RASSF3: variants seen among roughly 807,000 people sequenced by gnomAD.
RASSF3 encodes Ras association domain family member 3, also known as ras association domain-containing protein 3.
In RASSF3, 19 loss-of-function variants were observed where a neutral mutation model predicts 19.9. That is an observed-to-expected ratio of 0.96 (90% CI 0.67 to 1.40). The LOEUF is 1.40. RASSF3 is among the 40% of genes most tolerant of loss of function. The pLI, the probability that RASSF3 is intolerant of heterozygous loss-of-function variation, is 0.00. For synonymous variants in RASSF3, 110 were observed against 104.2 expected, an observed-to-expected ratio of 1.06 and a Z score of -0.34; for missense variants, 306 against 289.8, an observed-to-expected ratio of 1.06 and a Z score of -0.41.
intron 2 of RASSF3, among the ~76,000 whole-genome samples, chr12:64,601,524 TATTTTACTATAAAATTA>T (rs1159678174): frequency 6.6e-6 from 1 of 152,176 alleles, no homozygotes; most frequent in African/African-American, 2.4e-5. Context: ...CCTTTCAGTT[TATTTTACTATAAAATTA>T]AGAATATGAC....
At chr12:64,686,600 G>C (rs965438267) in intron 2 of RASSF3, among the ~76,000 whole-genome samples, 1 of 152,018 alleles carries the variant, frequency 6.6e-6, no homozygotes, top group Admixed American at 6.6e-5. Flanking sequence ...GACAGAGCAA[G>C]ACTCCATCTC....
rs1871986309 is a variant in RASSF3, at chr12:64,652,301, A to G, written c.112-32486A>G. On this transcript the variant is annotated intron_variant, in intron 1 of 4. Coordinates refer to ENST00000542104, the MANE Select transcript of RASSF3 (RefSeq NM_178169.4). ...CAATGTTCATTGATAAACTTTCTGT[A>G]TCTTTCAGTGTGTTCTGTAGCACAG... 2.0e-5 allele frequency among the ~76,000 whole-genome samples: 3 copies of G among 152,284 alleles called. No individual in the cohort carries two copies. The South Asian group carries it at 6.2e-4, about 32-fold the overall frequency.
At chr12:64,599,696 G>A (rs1870055689) in intron 2 of RASSF3, among the ~76,000 whole-genome samples, 1 of 152,126 alleles carries the variant, frequency 6.6e-6, no homozygotes, top group African/African-American at 2.4e-5. Flanking sequence ...AGGGGAAGAT[G>A]AGAAGTGTTA....
intron 1 of RASSF3, among the ~76,000 whole-genome samples, chr12:64,631,327 C>T (rs1177278827): frequency 6.6e-6 from 1 of 152,120 alleles, no homozygotes; most frequent in Non-Finnish European, 1.5e-5. Context: ...AACTGTGTGG[C>T]AGTCTCTGGA....
intron 1 of RASSF3, among the ~76,000 whole-genome samples, chr12:64,514,371 G>A (rs1286172553): frequency 1.3e-5 from 2 of 151,844 alleles, no homozygotes; most frequent in African/African-American, 4.8e-5. Flanking sequence ...ATTTTTAGTA[G>A]AGGCAGGGTT....
In RASSF3 at chr12:64,695,049, C is replaced by A; in HGVS notation, c.*137C>A. 1 of 897,460 alleles carries A rather than the reference C, an allele frequency of 1.1e-6. No individual in the cohort carries two copies. Among genetic ancestry groups the A allele is most frequent in the Non-Finnish European group, 1.7e-6 (1 of 604,562 alleles). The allele number at this position is 897,460 out of a possible 1,614,324, so 55.6% of individuals were successfully genotyped here. ...CTTTCTATCTGTAGATTTTGTTCCC[C>A]AAACCTGGTCACACAGCATCCTGCA... On this transcript the variant is annotated 3_prime_UTR_variant, in exon 5 of 5. Coordinates refer to ENST00000542104, the MANE Select transcript of RASSF3 (RefSeq NM_178169.4).
chr12:64,651,365 G>A (rs1871946890), intron 1 of RASSF3, among the ~76,000 whole-genome samples: 1 of 152,066 alleles, frequency 6.6e-6, no homozygotes, highest in Non-Finnish European at 1.5e-5. Flanking sequence ...TAATGTTTTT[G>A]TTTTTATTTT....
chr12:64,664,942 T>C (rs1217187769), intron 1 of RASSF3, among the ~76,000 whole-genome samples: 1 of 152,242 alleles, frequency 6.6e-6, no homozygotes, highest in African/African-American at 2.4e-5. Context: ...ATTTCAGTTC[T>C]CTATATAGTA....
chr12:64,663,100 T>C (rs1171684462), intron 1 of RASSF3, among the ~76,000 whole-genome samples: 1 of 152,206 alleles, frequency 6.6e-6, no homozygotes, highest in Non-Finnish European at 1.5e-5. Context: ...GCAGTAATTA[T>C]GTATTAATAA....
At chr12:64,522,329 T>G (rs1868496023) in intron 1 of RASSF3, among the ~76,000 whole-genome samples, 1 of 152,138 alleles carries the variant, frequency 6.6e-6, no homozygotes, top group Non-Finnish European at 1.5e-5. Flanking sequence ...AAATCTATTA[T>G]TTTCCTCCCA....
At chr12:64,589,564 C>A (rs1869880111) in intron 2 of RASSF3, among the ~76,000 whole-genome samples, 1 of 152,188 alleles carries the variant, frequency 6.6e-6, no homozygotes, top group Admixed American at 6.6e-5. Context: ...CAAGCTTGAG[C>A]ATAATTTTAA....
chr12:64,674,808 C>G (rs900263114), intron 1 of RASSF3, among the ~76,000 whole-genome samples: 1 of 151,946 alleles, frequency 6.6e-6, no homozygotes. Context: ...AAGTGGTGCT[C>G]TTAGCTTGTG....
chr12:64,584,503 G>GAAA lies in RASSF3; in HGVS notation c.294+42816_294+42818dup, dbSNP rs11461888. On this transcript the variant is annotated intron_variant, in intron 2 of 5. Transcript: ENST00000637125. Reference sequence around the variant, plus strand: ...CTTCTACAAAAGAGGTCCAGGCTAAGAAAAAAAAAAAAAAAAAAAAGCTAA... The same window carrying GAAA: ...CTTCTACAAAAGAGGTCCAGGCTAAGAAAAAAAAAAAAAAAAAAAAAAAGCTAA... 1.4e-4 allele frequency among the ~76,000 whole-genome samples: 16 copies of GAAA among 112,704 alleles called. 1 individual carries two copies. Among genetic ancestry groups the GAAA allele is most frequent in the African/African-American group, 4.9e-4 (14 of 28,850 alleles). 73.9% of individuals were successfully genotyped at this position (112,704 alleles called of 152,430 possible). A position where few individuals can be genotyped will look rare whatever the true frequency, so the allele number is the denominator to read the frequency against.
At chr12:64,657,119 C>G (rs1028037188) in intron 1 of RASSF3, among the ~76,000 whole-genome samples, 43 of 150,010 alleles carry the variant, frequency 2.9e-4, no homozygotes, top group African/African-American at 9.3e-4. Flanking sequence ...AAGCGATTTT[C>G]TCCTGCCTCA....
chr12:64,680,427 T>G (rs1012508732), intron 1 of RASSF3, among the ~76,000 whole-genome samples: 1 of 151,910 alleles, frequency 6.6e-6, no homozygotes, highest in African/African-American at 2.4e-5. Context: ...GCGTGGTGTC[T>G]GCTGCTGAGC....
intron 2 of RASSF3, among the ~76,000 whole-genome samples, chr12:64,558,430 A>T (rs1039503315): frequency 6.6e-6 from 1 of 152,090 alleles, no homozygotes; most frequent in Non-Finnish European, 1.5e-5. Context: ...GGCCATTCCT[A>T]TATGTCCAGC....
At chr12:64,523,568 C>T (rs959019984) in intron 1 of RASSF3, among the ~76,000 whole-genome samples, 9 of 152,178 alleles carry the variant, frequency 5.9e-5, no homozygotes. Context: ...CCCGAATTTG[C>T]ATATGATCCA....
intron 1 of RASSF3, among the ~76,000 whole-genome samples, chr12:64,677,378 C>T (rs1214092642): frequency 6.6e-6 from 1 of 152,306 alleles, no homozygotes; most frequent in East Asian, 1.9e-4. Flanking sequence ...AATACCTCTG[C>T]CTACTTTATT....
chr12:64,596,110 T>G (rs1869995654), intron 2 of RASSF3, among the ~76,000 whole-genome samples: 1 of 152,066 alleles, frequency 6.6e-6, no homozygotes, highest in Admixed American at 6.6e-5. Context: ...CCTTGCTGGG[T>G]TTCCCCACTC....
Sources: gnomAD v4.1 joint callset for allele counts (sites outside exome capture counted in the v4.1 genomes callset) on GRCh38, gnomAD v4.1.1 for gene constraint, MANE v1.5 for transcripts, NCBI Gene and HGNC (gene_info 2026-07-23, HGNC 2026-07-21) for gene names.